The following NIBAN2 variants were observed in gnomAD, a reference collection of about 807,000 sequenced individuals.
NIBAN2 encodes the protein niban apoptosis regulator 2.
NIBAN2 carries 36 observed loss-of-function variants against 81.8 expected under a neutral mutation model. That is an observed-to-expected ratio of 0.44 (90% CI 0.34 to 0.58). The LOEUF (loss-of-function observed/expected upper bound fraction) is 0.58. Among genes scored for constraint, NIBAN2 ranks in the 20% least tolerant of loss-of-function variants. The probability of loss-of-function intolerance (pLI) is 0.02; values close to 1 mark genes in which losing one functional copy is unlikely to be tolerated. For missense variants in NIBAN2, 897 were observed against 1,014.1 expected (o/e 0.88, Z 1.57); for synonymous variants, 445 against 441.6 (o/e 1.01, Z -0.10).
chr9:127,548,289 C>T (rs766511076), intron 1 of NIBAN2, among the ~76,000 whole-genome samples: 4 of 152,160 alleles, frequency 2.6e-5, no homozygotes, highest in African/African-American at 7.2e-5. Flanking sequence ...CCAAACGTAC[C>T]GCACCCCTGA....
At chr9:127,552,686 T>TTG (rs1554768654) in intron 1 of NIBAN2, among the ~76,000 whole-genome samples, 2 of 133,010 alleles carry the variant, frequency 1.5e-5, no homozygotes, top group African/African-American at 5.9e-5. Flanking sequence ...GAATATTCGT[T>TTG]TTTTTTTTTT....
At chr9:127,537,168 C>T (rs929887122) in intron 1 of NIBAN2, among the ~76,000 whole-genome samples, 2 of 152,306 alleles carry the variant, frequency 1.3e-5, no homozygotes, top group African/African-American at 4.8e-5. Flanking sequence ...AGCTTGAAGT[C>T]AGGACCAGAG....
intron 8 of NIBAN2, among the ~76,000 whole-genome samples, chr9:127,513,924 G>C (rs139117578): frequency 6.6e-6 from 1 of 152,088 alleles, no homozygotes; most frequent in African/African-American, 2.4e-5. Flanking sequence ...ATTTGATAGC[G>C]CAACAGGGTG....
upstream of NIBAN2, chr9:127,569,176 C>A (rs1837914103): frequency 1.4e-6 from 1 of 725,644 alleles, no homozygotes; most frequent in Non-Finnish European, 1.6e-6. Context: ...CGCTGCCCTG[C>A]GCCCGCCGCG....
Position 127,508,059 on chromosome 9 carries a change from G to C in NIBAN2, c.1542+34C>G. On this transcript the variant is annotated intron_variant, in intron 12 of 13. Coordinates refer to ENST00000373312, the MANE Select transcript of NIBAN2 (RefSeq NM_022833.4). The surrounding 1 kb of genome is among the most constrained non-coding windows in gnomAD (Gnocchi z 6.4). ...TGTGGGCTCCATCCCCCAACTTAGG[G>C]CCCAAACGGCTGGAGCAGGTGGGGG... 1 of 1,610,632 alleles carries C rather than the reference G, an allele frequency of 6.2e-7. No individual in the cohort carries two copies. Among genetic ancestry groups the C allele is most frequent in the Non-Finnish European group, 8.5e-7 (1 of 1,176,986 alleles).
chr9:127,555,231 G>A (rs1404631443), intron 1 of NIBAN2, among the ~76,000 whole-genome samples: 1 of 152,126 alleles, frequency 6.6e-6, no homozygotes, highest in Non-Finnish European at 1.5e-5. Flanking sequence ...GAAATGTTGG[G>A]GTGGGTTTCT....
intron 1 of NIBAN2, among the ~76,000 whole-genome samples, chr9:127,556,266 C>T (rs367663218): frequency 2.0e-5 from 3 of 152,242 alleles, no homozygotes; most frequent in South Asian, 4.1e-4. Flanking sequence ...GTCTGAGACA[C>T]GGAGGGGCCC....
At position 127,568,996 on chromosome 9, in the gene NIBAN2, G is replaced by A. The variant is rs1837909450; in HGVS notation, c.-122C>T. Reference sequence around the variant, plus strand: ...TGCTTCCCCCGCTCCCGCCGCTCCCGCCGCTCCCGCCGCCCGGCTGCGGCT... The same window carrying A: ...TGCTTCCCCCGCTCCCGCCGCTCCCACCGCTCCCGCCGCCCGGCTGCGGCT... On this transcript the variant is annotated 5_prime_UTR_variant, in exon 1 of 14. Coordinates refer to ENST00000373312, the MANE Select transcript of NIBAN2 (RefSeq NM_022833.4). 4 of 1,113,184 alleles carry A rather than the reference G, an allele frequency of 3.6e-6. No homozygotes were observed. Among genetic ancestry groups the A allele is most frequent in the Non-Finnish European group, 4.4e-6 (4 of 916,320 alleles). 69.0% of individuals were successfully genotyped at this position (1,113,184 alleles called of 1,614,324 possible).
rs950487554 is a variant in NIBAN2 at position 127,559,888 on chromosome 9, G to A, written c.55+8932C>T. 3.3e-5 allele frequency among the ~76,000 whole-genome samples: 5 copies of A among 152,174 alleles called. No individual in the cohort carries two copies. The highest frequency in any genetic ancestry group is 9.7e-5 in the African/African-American group (4 of 41,436). On this transcript the variant is annotated intron_variant, in intron 1 of 13. Transcript: ENST00000373312. This position sits in a 1 kb window ranked among gnomAD's most constrained non-coding sequence, Gnocchi z 4.0. The stretch of plus-strand genomic sequence containing the variant: ...GGTAACAGTGGATGAACCAGGAGCC[G>A]ATGCTCCCTAAGCACAAAGAGCTAA...
chr9:127,549,349 T>C (rs1837531085), intron 1 of NIBAN2, among the ~76,000 whole-genome samples: 1 of 151,336 alleles, frequency 6.6e-6, no homozygotes, highest in African/African-American at 2.4e-5. Context: ...CACACTCACA[T>C]GCATGCCACA....
Position 127,561,681 on chromosome 9 carries a change from C to T in NIBAN2, c.55+7139G>A, listed in dbSNP as rs115329025. On this transcript the variant is annotated intron_variant, in intron 1 of 13. Coordinates refer to ENST00000373312, the MANE Select transcript of NIBAN2 (RefSeq NM_022833.4). ...GTCACCAGGCAGGCCCCTTCACCTT[C>T]GTGGGCCAGAAGCAGCCCAGCTCCA... Among the ~76,000 whole-genome samples, 1,228 of 152,346 alleles carry T rather than the reference C, an allele frequency of 8.1e-3. 17 individuals carry two copies. Among genetic ancestry groups the T allele is most frequent in the African/African-American group, 0.028 (1,155 of 41,576 alleles).
At chr9:127,577,876 T>A (rs576562287) in intron 1 of NIBAN2, among the ~76,000 whole-genome samples, 1 of 152,018 alleles carries the variant, frequency 6.6e-6, no homozygotes, top group South Asian at 2.1e-4. Flanking sequence ...CCACTACACC[T>A]GGCTTTAATT....
Position 127,517,307 on chromosome 9 carries a change from GC to G in NIBAN2, c.706-92del. The stretch of plus-strand genomic sequence containing the variant: ...CATTCCCACAAGCCAGGCCGCTGCA[GC>G]CCCCACCTCCTCCGCGACTGGCCCA... On this transcript the variant is annotated intron_variant, in intron 6 of 13. Coordinates refer to ENST00000373312, the MANE Select transcript of NIBAN2 (RefSeq NM_022833.4). The surrounding 1 kb of genome is among the most constrained non-coding windows in gnomAD (Gnocchi z 4.0). The G allele has an allele frequency of 2.8e-6, 3 of 1,064,340 alleles. No individual in the cohort carries two copies. The highest frequency in any genetic ancestry group is 2.2e-5 in the Admixed American group (1 of 45,822). 65.9% of individuals were successfully genotyped at this position (1,064,340 alleles called of 1,614,324 possible).
intron 1 of NIBAN2, among the ~76,000 whole-genome samples, chr9:127,544,539 T>C (rs1004477103): frequency 6.6e-6 from 1 of 152,098 alleles, no homozygotes; most frequent in Non-Finnish European, 1.5e-5. Flanking sequence ...GTCCCCACTC[T>C]GTTGCCCAGG....
In NIBAN2 at chr9:127,509,082, C is replaced by T; in HGVS notation, c.1211G>A (p.Ser404Asn). ...CAGCGACTCCATCTTCTCATAGCAG[C>T]TCTGCATCTTCAGGGGGTGGTACGC... is the stretch of plus-strand genomic sequence containing the variant. ...RLAYHPLKMQ[S>N]CYEKMESLRL... is the part of the protein sequence containing the mutation. The change falls in exon 10 of 14, where the codon AGC becomes AAC. Residue 404 changes from serine to asparagine, a missense_variant. Ser to Asn is a conservative substitution (Grantham distance 46, BLOSUM62 1). This residue lies in a region of NIBAN2 where 619 missense variants were observed against 691.0 expected (regional missense o/e 0.90). Transcript: ENST00000373312. 6.2e-7 allele frequency: 1 copy of T among 1,613,522 alleles called. No homozygotes were observed. The highest frequency in any genetic ancestry group is 1.3e-5 in the African/African-American group (1 of 75,054).
At chr9:127,571,169 T>A (rs1394894162), upstream of NIBAN2, among the ~76,000 whole-genome samples, 2 of 152,026 alleles carry the variant, frequency 1.3e-5, no homozygotes, top group African/African-American at 4.8e-5. Context: ...CCAGGCTTCG[T>A]GGCACACCCA....
intron 1 of NIBAN2, among the ~76,000 whole-genome samples, chr9:127,535,351 AG>A (rs1837255836): frequency 6.6e-6 from 1 of 152,248 alleles, no homozygotes; most frequent in Admixed American, 6.5e-5. Context: ...GGGTTCAGAA[AG>A]GCCCCTGGGC....
At chr9:127,569,796 C>T (rs541622185), upstream of NIBAN2, among the ~76,000 whole-genome samples, 1 of 152,368 alleles carries the variant, frequency 6.6e-6, no homozygotes, top group East Asian at 1.9e-4. Context: ...TTGCCTCAGG[C>T]TCAGCATATG....
At position 127,563,220 on chromosome 9, in the gene NIBAN2, G is replaced by A. The variant is rs530595601; in HGVS notation, c.55+5600C>T. ...GCCCCAGCAGTGGAAAAGGAACAGA[G>A]TCAGGGGGACTAGAGGAGGCTGGAT... On this transcript the variant is annotated intron_variant, in intron 1 of 13. Transcript: ENST00000373312. This position sits in a 1 kb window ranked among gnomAD's most constrained non-coding sequence, Gnocchi z 4.1. Among the ~76,000 whole-genome samples, 20 of 152,334 alleles carry A rather than the reference G, an allele frequency of 1.3e-4. No homozygotes were observed. In the South Asian group the frequency reaches 4.1e-3, roughly 32 times the overall value.
Sources: allele counts gnomAD v4.1 joint callset (sites outside exome capture counted in the v4.1 genomes callset), GRCh38; gene constraint gnomAD v4.1.1; regional missense constraint gnomAD v4.1.1; non-coding constraint Gnocchi (gnomAD v3.1); transcripts MANE v1.5; gene names NCBI Gene and HGNC (gene_info 2026-07-23, HGNC 2026-07-21).